Variants in GLI2 observed in about 807,000 individuals in gnomAD.
GLI2 encodes transcription activator GLI2.
Under a neutral mutation model 78.9 loss-of-function variants are expected in GLI2, and 22 were observed. That is an observed-to-expected ratio of 0.28 (90% CI 0.20 to 0.40). The LOEUF is 0.40. Ranked by LOEUF, GLI2 falls within the 10% of genes least tolerant of loss-of-function variation. The pLI is 1.00. For missense variants in GLI2, 2,097 were observed against 2,213.2 expected (o/e 0.95, Z 1.05); for synonymous variants, 974 against 963.7 (o/e 1.01, Z -0.20).
intron 2 of GLI2, among the ~76,000 whole-genome samples, chr2:120,825,421 G>A (rs778175547): frequency 6.7e-6 from 1 of 150,086 alleles, no homozygotes; most frequent in African/African-American, 2.5e-5. Context: ...GACTGTGTGC[G>A]CCTAGCTGTG....
intron 7 of GLI2, 71 bp from the exon 8 acceptor site, chr2:120,971,864 GAGTTAA>G (rs1379023173): frequency 5.5e-6 from 7 of 1,267,586 alleles, no homozygotes; most frequent in Non-Finnish European, 8.1e-6. Flanking sequence ...AGAGATCCTA[GAGTTAA>G]AGTCCAAAAA....
At chr2:120,837,729 C>G (rs1238717075) in intron 2 of GLI2, among the ~76,000 whole-genome samples, 4 of 152,166 alleles carry the variant, frequency 2.6e-5, no homozygotes, top group Non-Finnish European at 5.9e-5. Flanking sequence ...GAATAATCGT[C>G]TCAGTAGCAA....
rs72955303 is a variant in GLI2 at position 120,873,111 on chromosome 2, C to T, written c.149-54250C>T. 2.0e-3 allele frequency among the ~76,000 whole-genome samples: 305 copies of T among 152,278 alleles called. 4 individuals are homozygous for T. Among genetic ancestry groups the T allele is most frequent in the African/African-American group, 7.1e-3 (295 of 41,542 alleles). On this transcript the variant is annotated intron_variant, in intron 2 of 13. Transcript: ENST00000361492. ...TGGGATTATATTGTGCTTGCTACCT[C>T]GTAACCTTTCCACCTGAGAATGGAT...
intron 2 of GLI2, among the ~76,000 whole-genome samples, chr2:120,806,119 C>G (rs1437994736): frequency 6.6e-6 from 1 of 152,174 alleles, no homozygotes; most frequent in African/African-American, 2.4e-5. Flanking sequence ...GTTTAACAAT[C>G]TGGATTGCTA....
At chr2:120,862,811 C>T (rs1469363760) in intron 2 of GLI2, among the ~76,000 whole-genome samples, 1 of 152,236 alleles carries the variant, frequency 6.6e-6, no homozygotes, top group Non-Finnish European at 1.5e-5. Flanking sequence ...CGGGGCTCCT[C>T]CCGCCTAAGA....
chr2:120,927,305 CT>C, intron 2 of GLI2, 55 bp from the exon 3 acceptor site: 1 of 1,283,966 alleles, frequency 7.8e-7, no homozygotes, highest in Non-Finnish European at 1.1e-6. Flanking sequence ...TTGAAAGTAG[CT>C]TTTTGAGGGA....
chr2:120,868,440 T>G (rs1423275997), intron 2 of GLI2, among the ~76,000 whole-genome samples: 1 of 152,240 alleles, frequency 6.6e-6, no homozygotes, highest in African/African-American at 2.4e-5. Flanking sequence ...TCTTTTGACT[T>G]TCTAAAGGGC....
At chr2:120,909,648 G>A (rs1023619267) in intron 2 of GLI2, among the ~76,000 whole-genome samples, 12 of 152,094 alleles carry the variant, frequency 7.9e-5, no homozygotes, top group African/African-American at 2.7e-4. Context: ...GGCAGATCAC[G>A]AGGTCAGGAG....
chr2:120,897,262 C>T (rs971097163), intron 2 of GLI2, among the ~76,000 whole-genome samples: 1 of 152,236 alleles, frequency 6.6e-6, no homozygotes, highest in Non-Finnish European at 1.5e-5. Flanking sequence ...CCTTTGAGTC[C>T]TAAACCTCTG....
At chr2:120,824,076 T>A (rs1274751821) in intron 2 of GLI2, among the ~76,000 whole-genome samples, 3 of 152,238 alleles carry the variant, frequency 2.0e-5, no homozygotes, top group South Asian at 4.1e-4. Flanking sequence ...TCTGGAGATC[T>A]AAACGTTCAT....
At chr2:120,779,567 G>T (rs1683778457) in intron 1 of GLI2, among the ~76,000 whole-genome samples, 1 of 152,240 alleles carries the variant, frequency 6.6e-6, no homozygotes. Flanking sequence ...AGAGGGTTTG[G>T]TCCTAATCCC....
chr2:120,945,075 G>A (rs1680642063), intron 3 of GLI2, among the ~76,000 whole-genome samples: 1 of 152,248 alleles, frequency 6.6e-6, no homozygotes, highest in Non-Finnish European at 1.5e-5. Flanking sequence ...TAGGGAGGGA[G>A]GGAAAGAGGG....
chr2:120,836,092 G>T (rs1340499283), intron 2 of GLI2, among the ~76,000 whole-genome samples: 1 of 152,072 alleles, frequency 6.6e-6, no homozygotes, highest in Non-Finnish European at 1.5e-5. Context: ...GCCCTGACTG[G>T]GGTAGTCTGA....
intron 1 of GLI2, among the ~76,000 whole-genome samples, chr2:120,771,856 C>G (rs1480928938): frequency 6.6e-6 from 1 of 152,262 alleles, no homozygotes; most frequent in Admixed American, 6.5e-5. Flanking sequence ...TGGCCCTCCC[C>G]ACTTCCTCCA....
intron 2 of GLI2, among the ~76,000 whole-genome samples, chr2:120,872,427 G>C (rs900175785): frequency 6.6e-5 from 10 of 152,214 alleles, no homozygotes; most frequent in Non-Finnish European, 2.9e-5. Context: ...CCCAGACTAG[G>C]GGTGGACACA....
chr2:120,792,872 C>A (rs976931272), intron 1 of GLI2, among the ~76,000 whole-genome samples: 1 of 152,166 alleles, frequency 6.6e-6, no homozygotes, highest in Non-Finnish European at 1.5e-5. Flanking sequence ...CCGCCTGCCT[C>A]GGCCTCCCAA....
intron 2 of GLI2, 79 bp downstream of exon 2, chr2:120,797,547 C>A: frequency 7.2e-7 from 1 of 1,396,530 alleles, no homozygotes; most frequent in Non-Finnish European, 1.0e-6. Flanking sequence ...GAGTGGTGGC[C>A]CATGTCGTCA....
At chr2:120,855,524 C>T (rs1381934898) in intron 2 of GLI2, among the ~76,000 whole-genome samples, 5 of 152,234 alleles carry the variant, frequency 3.3e-5, no homozygotes, top group Admixed American at 1.3e-4. Flanking sequence ...GTGACACCCT[C>T]TTCCCATCAC....
At chr2:120,778,099 G>A (rs1337735686) in intron 1 of GLI2, among the ~76,000 whole-genome samples, 3 of 152,076 alleles carry the variant, frequency 2.0e-5, no homozygotes, top group Admixed American at 2.0e-4. Flanking sequence ...AGGGAAGGTG[G>A]CCCAGTACCC....
Sources: gnomAD v4.1 joint callset for allele counts (sites outside exome capture counted in the v4.1 genomes callset) on GRCh38, gnomAD v4.1.1 for gene constraint, MANE v1.5 for transcripts, NCBI Gene and HGNC (gene_info 2026-07-23, HGNC 2026-07-21) for gene names.